UNC5D: variants seen among roughly 807,000 people sequenced by gnomAD.
UNC5D encodes unc-5 netrin receptor D, also known as netrin receptor UNC5D.
UNC5D carries 39 observed loss-of-function variants against 105.4 expected under a neutral mutation model. That is an observed-to-expected ratio of 0.37 (90% CI 0.29 to 0.48). UNC5D has a LOEUF of 0.48. Ranked by LOEUF, UNC5D falls within the 20% of genes least tolerant of loss-of-function variation. The probability of loss-of-function intolerance (pLI) is 0.98; values close to 1 mark genes in which losing one functional copy is unlikely to be tolerated. For missense variants in UNC5D, 991 were observed against 1,202.4 expected (o/e 0.82, Z 2.60); for synonymous variants, 452 against 450.4 (o/e 1.00, Z -0.04).
rs572032704 is a variant in UNC5D at position 35,275,523 on chromosome 8, G to T, written c.103+39636G>T. 2.0e-5 allele frequency among the ~76,000 whole-genome samples: 3 copies of T among 152,148 alleles called. No individual in the cohort carries two copies. In the East Asian group the frequency reaches 5.8e-4, roughly 29 times the overall value. ...GTGAAATCTTTTATTCATTTTCTTAGTTATTTTTGTTTTGTTTGTGCACAT... is the reference window on the plus strand; with the variant it reads ...GTGAAATCTTTTATTCATTTTCTTATTTATTTTTGTTTTGTTTGTGCACAT... On this transcript the variant is annotated intron_variant, in intron 1 of 16. Coordinates refer to ENST00000404895, the MANE Select transcript of UNC5D (RefSeq NM_080872.4).
At chr8:35,453,222 G>A (rs967593994) in intron 1 of UNC5D, among the ~76,000 whole-genome samples, 11 of 152,054 alleles carry the variant, frequency 7.2e-5, no homozygotes, top group Non-Finnish European at 1.0e-4. Flanking sequence ...TTCTAGGACC[G>A]AGAATAGTGA....
intron 4 of UNC5D, among the ~76,000 whole-genome samples, chr8:35,597,698 G>T (rs571479113): frequency 6.6e-6 from 1 of 152,072 alleles, no homozygotes; most frequent in East Asian, 1.9e-4. Context: ...GGTCTCTATT[G>T]ATCTACTTTT....
intron 2 of UNC5D, among the ~76,000 whole-genome samples, chr8:35,551,777 C>G (rs570545578): frequency 1.3e-4 from 19 of 151,110 alleles, no homozygotes; most frequent in Admixed American, 1.2e-3. Context: ...AAGATCATGC[C>G]ACTGCACTCC....
At chr8:35,470,103 A>T (rs1338343032) in intron 1 of UNC5D, among the ~76,000 whole-genome samples, 1 of 152,194 alleles carries the variant, frequency 6.6e-6, no homozygotes, top group African/African-American at 2.4e-5. Context: ...ATGAACAAAC[A>T]TTCAGCCAGG....
chr8:35,264,982 G>C (rs1804757819), intron 1 of UNC5D, among the ~76,000 whole-genome samples: 1 of 152,110 alleles, frequency 6.6e-6, no homozygotes, highest in African/African-American at 2.4e-5. Flanking sequence ...GTAGTACATT[G>C]AAAACAGTCA....
At chr8:35,618,860 G>T (rs1821182616) in intron 4 of UNC5D, among the ~76,000 whole-genome samples, 1 of 152,098 alleles carries the variant, frequency 6.6e-6, no homozygotes, top group African/African-American at 2.4e-5. Context: ...AGACATTATG[G>T]CAGGGTTGTG....
rs548145204 is a variant in UNC5D at position 35,247,124 on chromosome 8, A to G, written c.103+11237A>G. 2.6e-5 allele frequency among the ~76,000 whole-genome samples: 4 copies of G among 152,192 alleles called. No individual in the cohort carries two copies. The South Asian group carries it at 6.2e-4, about 24-fold the overall frequency. On this transcript the variant is annotated intron_variant, in intron 1 of 16. Transcript: ENST00000404895. ...CTTGCCTCTTCCCTTTCAGGCTTAT[A>G]ATAACAAAAGTAATCAATAGAGGCA...
chr8:35,469,254 C>A (rs1023956061), intron 1 of UNC5D, among the ~76,000 whole-genome samples: 4 of 152,136 alleles, frequency 2.6e-5, no homozygotes, highest in African/African-American at 4.8e-5. Context: ...TTAGACAGCC[C>A]ATTTATGTTC....
chr8:35,250,144 G>A (rs1210623518), intron 1 of UNC5D, among the ~76,000 whole-genome samples: 1 of 152,148 alleles, frequency 6.6e-6, no homozygotes, highest in East Asian at 1.9e-4. Context: ...ACCCATGTGT[G>A]TAATTGAAAT....
At chr8:35,654,554 C>G (rs1215169315) in intron 4 of UNC5D, among the ~76,000 whole-genome samples, 1 of 152,192 alleles carries the variant, frequency 6.6e-6, no homozygotes, top group African/African-American at 2.4e-5. Context: ...ACCCAGATCA[C>G]TCCTTGAGAA....
intron 4 of UNC5D, among the ~76,000 whole-genome samples, chr8:35,678,107 T>C (rs73583018): frequency 0.066 from 10,103 of 152,068 alleles, 1,042 homozygotes; most frequent in African/African-American, 0.21. Flanking sequence ...CTATGAGTGA[T>C]TGGGGGTAGA....
intron 4 of UNC5D, among the ~76,000 whole-genome samples, chr8:35,615,556 C>T (rs1432761495): frequency 1.3e-5 from 2 of 152,130 alleles, no homozygotes; most frequent in East Asian, 1.9e-4. Context: ...GGCTGGAGTG[C>T]AGTGGCACGA....
intron 1 of UNC5D, among the ~76,000 whole-genome samples, chr8:35,515,946 G>A (rs1171527958): frequency 6.6e-6 from 1 of 152,004 alleles, no homozygotes; most frequent in African/African-American, 2.4e-5. Context: ...ATGACACCCT[G>A]ACTTAGTTTT....
chr8:35,563,869 A>C (rs576699856), intron 2 of UNC5D, among the ~76,000 whole-genome samples: 1 of 152,122 alleles, frequency 6.6e-6, no homozygotes, highest in South Asian at 2.1e-4. Context: ...TATTTAAATG[A>C]TCATTTTTTC....
chr8:35,544,439 T>C (rs2130650710), intron 1 of UNC5D: 1 of 1,613,652 alleles, frequency 6.2e-7, no homozygotes, highest in Non-Finnish European at 8.5e-7. Flanking sequence ...ATATGTTATC[T>C]GGGGGTGGAT....
At chr8:35,350,349 A>G (rs1812145598) in intron 1 of UNC5D, among the ~76,000 whole-genome samples, 1 of 152,044 alleles carries the variant, frequency 6.6e-6, no homozygotes, top group South Asian at 2.1e-4. Flanking sequence ...AATTACAGCA[A>G]TCTGACTCGC....
intron 16 of UNC5D, among the ~76,000 whole-genome samples, chr8:35,779,942 C>A (rs912659452): frequency 2.6e-5 from 4 of 152,174 alleles, no homozygotes; most frequent in African/African-American, 9.7e-5. Flanking sequence ...TGTGATGCCT[C>A]CTAATTTTCA....
chr8:35,438,319 T>C (rs1385300816), intron 1 of UNC5D, among the ~76,000 whole-genome samples: 1 of 152,046 alleles, frequency 6.6e-6, no homozygotes, highest in East Asian at 1.9e-4. Context: ...GCTACATTTT[T>C]AAATGAATGT....
intron 1 of UNC5D, among the ~76,000 whole-genome samples, chr8:35,492,566 C>T (rs144027660): frequency 7.3e-5 from 11 of 151,222 alleles, no homozygotes; most frequent in Admixed American, 2.0e-4. Flanking sequence ...TATTATTAAC[C>T]GACAGTAGAC....
Sources: gnomAD v4.1 joint callset for allele counts (sites outside exome capture counted in the v4.1 genomes callset) on GRCh38, gnomAD v4.1.1 for gene constraint, MANE v1.5 for transcripts, NCBI Gene and HGNC (gene_info 2026-07-23, HGNC 2026-07-21) for gene names.